GABRA2: variants seen among roughly 807,000 people sequenced by gnomAD.
The protein encoded by GABRA2 is gamma-aminobutyric acid type A receptor subunit alpha2, also known as gamma-aminobutyric acid receptor subunit alpha-2.
In GABRA2, 16 loss-of-function variants were observed where a neutral mutation model predicts 48.7. That is an observed-to-expected ratio of 0.33 (90% CI 0.22 to 0.50). The LOEUF is 0.50. Ranked by LOEUF, GABRA2 falls within the 20% of genes least tolerant of loss-of-function variation. The pLI is 0.98. For missense variants in GABRA2, 275 were observed against 535.6 expected, an observed-to-expected ratio of 0.51 and a Z score of 4.80; for synonymous variants, 185 against 184.5, an observed-to-expected ratio of 1.00 and a Z score of -0.02.
In GABRA2 at chr4:46,248,872, C is replaced by A. The variant is rs747864850; in HGVS notation, c.*1436G>T. 9 of 151,136 alleles carry A rather than the reference C, an allele frequency of 6.0e-5. No homozygotes were observed. The highest frequency in any genetic ancestry group is 9.7e-5 in the African/African-American group (4 of 41,238). 9.4% of individuals were successfully genotyped at this position (151,136 alleles called of 1,614,324 possible). On this transcript the variant is annotated 3_prime_UTR_variant, in exon 10 of 10. Transcript: ENST00000381620. ...GTCAATCAAAAGTATTTGAAGTTTG[C>A]CAAAAACTTTGAATCTAGGCATAAT... is the stretch of plus-strand genomic sequence containing the variant.
chr4:46,388,327 G>A (rs1412188439), intron 2 of GABRA2, among the ~76,000 whole-genome samples: 1 of 152,112 alleles, frequency 6.6e-6, no homozygotes, highest in African/African-American at 2.4e-5. Context: ...TCGAATCCTG[G>A]TGTTATATTA....
rs775239522 is a variant in GABRA2 at position 46,247,472 on chromosome 4, G to A, written c.*2836C>T. Among the ~76,000 whole-genome samples, 16 of 151,032 alleles carry A rather than the reference G, an allele frequency of 1.1e-4. No individual in the cohort carries two copies. The highest frequency in any genetic ancestry group is 2.1e-4 in the Non-Finnish European group (14 of 67,404). On this transcript the variant is annotated 3_prime_UTR_variant, in exon 10 of 10. Transcript: ENST00000381620. ...ATTTTAACACCAATTACAGGGCATG[G>A]CACAGGAGGTAAAAAATATTTTTGA...
In GABRA2 at chr4:46,250,046, T is replaced by A. The variant is rs1233538041; in HGVS notation, c.*262A>T. 2 of 357,312 alleles carry A rather than the reference T, an allele frequency of 5.6e-6. No individual in the cohort carries two copies. The highest frequency in any genetic ancestry group is 1.0e-5 in the Non-Finnish European group (2 of 196,396). 22.1% of individuals were successfully genotyped at this position (357,312 alleles called of 1,614,324 possible). A position where few individuals can be genotyped will look rare whatever the true frequency, so the allele number is the denominator to read the frequency against. ...TTGGAAGAATAGGAAATTAATCAGGTCACTTGAAATTCACTTTAAATCAGG... is the reference window on the plus strand; with the variant it reads ...TTGGAAGAATAGGAAATTAATCAGGACACTTGAAATTCACTTTAAATCAGG... On this transcript the variant is annotated 3_prime_UTR_variant, in exon 10 of 10. Coordinates refer to ENST00000381620, the MANE Select transcript of GABRA2 (RefSeq NM_000807.4).
At chr4:46,276,115 G>C (rs1319633634) in intron 8 of GABRA2, among the ~76,000 whole-genome samples, 1 of 151,654 alleles carries the variant, frequency 6.6e-6, no homozygotes, top group Non-Finnish European at 1.5e-5. Context: ...AAGAAAACAA[G>C]AACAAAAAAA....
intron 3 of GABRA2, among the ~76,000 whole-genome samples, chr4:46,378,512 C>G (rs1228939235): frequency 6.6e-6 from 1 of 151,890 alleles, no homozygotes; most frequent in Non-Finnish European, 1.5e-5. Context: ...CCCAGGGACA[C>G]AAACACTGCG....
chr4:46,345,246 C>A (rs577721131), intron 3 of GABRA2, among the ~76,000 whole-genome samples: 6 of 151,950 alleles, frequency 3.9e-5, no homozygotes, highest in African/African-American at 1.4e-4. Context: ...CAATTAAACC[C>A]CTTTTCTTTA....
At chr4:46,360,154 T>C (rs1712929754) in intron 3 of GABRA2, among the ~76,000 whole-genome samples, 1 of 152,216 alleles carries the variant, frequency 6.6e-6, no homozygotes, top group Admixed American at 6.5e-5. Flanking sequence ...ATTTTGATTG[T>C]GGTGATGGTA....
intron 8 of GABRA2, among the ~76,000 whole-genome samples, chr4:46,269,941 T>A (rs1180397594): frequency 1.3e-5 from 2 of 151,948 alleles, no homozygotes; most frequent in African/African-American, 4.8e-5. Flanking sequence ...CATCTATCAA[T>A]TGTAATGCAA....
chr4:46,318,573 C>T (rs1561774), intron 4 of GABRA2, among the ~76,000 whole-genome samples: 15,028 of 151,532 alleles, frequency 0.099, 2,501 homozygotes, highest in African/African-American at 0.34. Context: ...TAACTTCAGA[C>T]TTTCATGAAT....
intron 3 of GABRA2, among the ~76,000 whole-genome samples, chr4:46,375,073 T>C (rs1237623514): frequency 6.6e-6 from 1 of 152,014 alleles, no homozygotes; most frequent in East Asian, 1.9e-4. Flanking sequence ...CAAATTAAGA[T>C]TGCACCTTAA....
chr4:46,341,281 CCT>C (rs1733178371), intron 3 of GABRA2, among the ~76,000 whole-genome samples: 1 of 151,850 alleles, frequency 6.6e-6, no homozygotes, highest in Admixed American at 6.6e-5. Flanking sequence ...AACATATTTT[CCT>C]GTTTCTTTTC....
chr4:46,299,485 C>G (rs1430694676), intron 8 of GABRA2, among the ~76,000 whole-genome samples: 9 of 151,760 alleles, frequency 5.9e-5, no homozygotes, highest in Non-Finnish European at 4.4e-5. Context: ...CCATTTGAAT[C>G]ATGTTTATAG....
intron 3 of GABRA2, among the ~76,000 whole-genome samples, chr4:46,339,571 G>C (rs749655977): frequency 6.6e-6 from 1 of 151,814 alleles, no homozygotes. Context: ...CTAACAAAGA[G>C]AGATACTATG....
intron 6 of GABRA2, among the ~76,000 whole-genome samples, 164 bp from the exon 7 acceptor site, chr4:46,305,875 G>T (rs1164572795): frequency 6.6e-6 from 1 of 152,190 alleles, no homozygotes; most frequent in Non-Finnish European, 1.5e-5. Context: ...ACTTCAATAT[G>T]AGAGTTATGA....
chr4:46,244,920 A>G lies in GABRA2; in HGVS notation c.*5388T>C, dbSNP rs188961691. ...TTTTTACTTGTTTGTTTTGTTATGT[A>G]GAAAACCATGTAATGGCTCCCTTAT... On this transcript the variant is annotated 3_prime_UTR_variant, in exon 10 of 10. Transcript: ENST00000381620. 1.5e-3 allele frequency among the ~76,000 whole-genome samples: 224 copies of G among 151,558 alleles called. No homozygotes were observed. Among genetic ancestry groups the G allele is most frequent in the African/African-American group, 4.7e-3 (195 of 41,514 alleles).
At chr4:46,280,052 T>A (rs2350767) in intron 8 of GABRA2, among the ~76,000 whole-genome samples, 91,943 of 150,700 alleles carry the variant, frequency 0.61, 28,464 homozygotes, top group South Asian at 0.76. Flanking sequence ...AAGTTTTTTT[T>A]TAAAAAATGA....
At chr4:46,339,654 T>C (rs1732879475) in intron 3 of GABRA2, among the ~76,000 whole-genome samples, 1 of 151,880 alleles carries the variant, frequency 6.6e-6, no homozygotes, top group South Asian at 2.1e-4. Context: ...GAACTTCTCC[T>C]GGAAACATTT....
intron 6 of GABRA2, among the ~76,000 whole-genome samples, chr4:46,309,430 T>C (rs1808851): frequency 0.39 from 59,789 of 151,646 alleles, 12,224 homozygotes; most frequent in East Asian, 0.52. Flanking sequence ...TCTAAAAAGG[T>C]CAGGCAATAG....
At chr4:46,290,562 T>C (rs1285427696) in intron 8 of GABRA2, among the ~76,000 whole-genome samples, 7 of 152,150 alleles carry the variant, frequency 4.6e-5, no homozygotes, top group Non-Finnish European at 1.0e-4. Context: ...TAAATTTCTT[T>C]TGAATTTTTC....
Sources: gnomAD v4.1 joint callset for allele counts (sites outside exome capture counted in the v4.1 genomes callset) on GRCh38, gnomAD v4.1.1 for gene constraint, MANE v1.5 for transcripts, NCBI Gene and HGNC (gene_info 2026-07-23, HGNC 2026-07-21) for gene names.